The following AURKA variants were observed in gnomAD, a reference collection of about 807,000 sequenced individuals.
AURKA encodes the protein aurora 2.
Under a neutral mutation model 40.9 loss-of-function variants are expected in AURKA, and 12 were observed. The ratio of observed to expected loss-of-function variants is 0.29; its 90% CI spans 0.19 to 0.48. The LOEUF (loss-of-function observed/expected upper bound fraction) is 0.48. Among genes scored for constraint, AURKA ranks in the 20% least tolerant of loss-of-function variants. The pLI, the probability that AURKA is intolerant of heterozygous loss-of-function variation, is 0.99. For synonymous variants in AURKA, 170 were observed against 164.3 expected, an observed-to-expected ratio of 1.03 and a Z score of -0.26; for missense variants, 322 against 462.1, an observed-to-expected ratio of 0.70 and a Z score of 2.78.
intron 6 of AURKA, among the ~76,000 whole-genome samples, chr20:56,374,961 T>C (rs999731683): frequency 1.3e-5 from 2 of 152,076 alleles, no homozygotes; most frequent in African/African-American, 2.4e-5. Context: ...GGCAGGAGAA[T>C]TGGTTGAACC....
chr20:56,375,572 A>G (rs1159087774), intron 6 of AURKA, among the ~76,000 whole-genome samples: 1 of 152,034 alleles, frequency 6.6e-6, no homozygotes, highest in East Asian at 1.9e-4. Flanking sequence ...ATTTTACATC[A>G]AAAAGGTTTA....
At chr20:56,371,766 G>C (rs951295751) in intron 7 of AURKA, among the ~76,000 whole-genome samples, 1 of 152,090 alleles carries the variant, frequency 6.6e-6, no homozygotes, top group Non-Finnish European at 1.5e-5. Context: ...GACAATAGGA[G>C]AAATCTGAAT....
intron 1 of AURKA, among the ~76,000 whole-genome samples, chr20:56,389,262 G>A (rs1011270034): frequency 2.0e-5 from 3 of 152,088 alleles, no homozygotes; most frequent in Non-Finnish European, 4.4e-5. Flanking sequence ...ATATCACCCA[G>A]TGCCTCAGCT....
chr20:56,381,716 A>T lies in AURKA; in HGVS notation c.567-145T>A. ...ACCCCACTTTAGAATCTGAAACTATAAACCCACTCCAAGAAAAATACATAC... is the reference window on the plus strand; with the variant it reads ...ACCCCACTTTAGAATCTGAAACTATTAACCCACTCCAAGAAAAATACATAC... On this transcript the variant is annotated intron_variant, in intron 5 of 8. Coordinates refer to ENST00000395915, the MANE Select transcript of AURKA (RefSeq NM_198437.3). 7 of 972,080 alleles carry T rather than the reference A, an allele frequency of 7.2e-6. No homozygotes were observed. In the East Asian group the frequency reaches 1.8e-4, roughly 25 times the overall value. 60.2% of individuals were successfully genotyped at this position (972,080 alleles called of 1,614,324 possible). A position where few individuals can be genotyped will look rare whatever the true frequency, so the allele number is the denominator to read the frequency against.
chr20:56,371,324 T>C (rs1195375000), intron 7 of AURKA, among the ~76,000 whole-genome samples: 4 of 151,194 alleles, frequency 2.6e-5, no homozygotes, highest in East Asian at 3.9e-4. Context: ...TAGCCGGGTG[T>C]GGTGGTGTGC....
Position 56,369,540 on chromosome 20 carries a change from T to G in AURKA, c.*618A>C. ...TAAATGGAGGTAGAGCACGTGTTCC[T>G]ATTTTTCACACTCTCATATGGGAGA... On this transcript the variant is annotated 3_prime_UTR_variant, in exon 9 of 9. Transcript: ENST00000395915. 8.2e-6 allele frequency: 2 copies of G among 242,724 alleles called. No homozygotes were observed. The highest frequency in any genetic ancestry group is 1.6e-5 in the Non-Finnish European group (2 of 122,772). The allele number at this position is 242,724 out of a possible 1,614,324, so 15.0% of individuals were successfully genotyped here.
At chr20:56,388,026 T>C in intron 2 of AURKA, 130 bp downstream of exon 2, 1 of 107,342 alleles carries the variant, frequency 9.3e-6, no homozygotes, top group Non-Finnish European at 1.5e-5. Context: ...GAAAAGTGAC[T>C]AATTCATATC....
intron 1 of AURKA, among the ~76,000 whole-genome samples, chr20:56,389,697 C>G (rs1986812670): frequency 6.6e-6 from 1 of 152,144 alleles, no homozygotes; most frequent in African/African-American, 2.4e-5. Context: ...GTCCTAATCT[C>G]TCCCCACTCT....
At chr20:56,374,625 G>C (rs901639560) in intron 6 of AURKA, among the ~76,000 whole-genome samples, 3 of 151,698 alleles carry the variant, frequency 2.0e-5, no homozygotes, top group African/African-American at 7.3e-5. Context: ...AATAGAGATG[G>C]GGGTCTCACT....
intron 6 of AURKA, among the ~76,000 whole-genome samples, chr20:56,379,687 C>T (rs1985427958): frequency 6.6e-6 from 1 of 152,198 alleles, no homozygotes; most frequent in East Asian, 1.9e-4. Flanking sequence ...CAAGGCCAGG[C>T]GTGGTGGCTC....
At chr20:56,382,018 G>C (rs1985772881) in intron 5 of AURKA, among the ~76,000 whole-genome samples, 1 of 152,078 alleles carries the variant, frequency 6.6e-6, no homozygotes, top group African/African-American at 2.4e-5. Flanking sequence ...ACAAAAATTA[G>C]CTAGGCTTGT....
At position 56,370,675 on chromosome 20, in the gene AURKA, G is replaced by T; in HGVS notation, c.855-16C>A. On this transcript the variant is annotated splice_polypyrimidine_tract_variant and intron_variant, in intron 7 of 8. Coordinates refer to ENST00000395915, the MANE Select transcript of AURKA (RefSeq NM_198437.3). The stretch of plus-strand genomic sequence containing the variant: ...AGTGGTCCTCCTGAAAACGGAGGGA[G>T]GCTCAGGTTGATGTGCTTCTCGTTT... 2 of 1,614,044 alleles carry T rather than the reference G, an allele frequency of 1.2e-6. No homozygotes were observed. The highest frequency in any genetic ancestry group is 8.5e-7 in the Non-Finnish European group (1 of 1,179,974).
At chr20:56,382,158 C>T (rs1349915874) in intron 5 of AURKA, among the ~76,000 whole-genome samples, 1 of 145,886 alleles carries the variant, frequency 6.9e-6, no homozygotes, top group African/African-American at 2.5e-5. Context: ...AGCGAGACTC[C>T]ATCTCAAAAA....
Position 56,386,410 on chromosome 20 carries a change from G to T in AURKA, c.166C>A (p.Arg56Ser), listed in dbSNP as rs375420005. The change falls in exon 3 of 9, where the codon CGC becomes AGC. Residue 56 changes from arginine to serine, a missense_variant. Transcript: ENST00000395915. ...AGCTTTTGTGCTTGCAAAGGAATGC[G>T]CTGGGAAGAATTTGAAGGACACAAG... ...RVLCPSNSSQ[R>S]IPLQAQKLVS... The T allele has an allele frequency of 1.9e-6, 3 of 1,614,056 alleles. No individual in the cohort carries two copies. The highest frequency in any genetic ancestry group is 2.7e-5 in the African/African-American group (2 of 74,914).
chr20:56,374,621 G>A (rs1171077383), intron 6 of AURKA, among the ~76,000 whole-genome samples: 2 of 151,312 alleles, frequency 1.3e-5, no homozygotes, highest in Non-Finnish European at 2.9e-5. Context: ...TTTTAATAGA[G>A]ATGGGGGTCT....
intron 1 of AURKA, among the ~76,000 whole-genome samples, chr20:56,390,312 T>TTA (rs1447325382): frequency 6.6e-6 from 1 of 150,666 alleles, no homozygotes; most frequent in African/African-American, 2.4e-5. Flanking sequence ...GAGGTTTCTT[T>TTA]TTTTTTTTTT....
intron 6 of AURKA, among the ~76,000 whole-genome samples, chr20:56,376,290 A>G (rs147777679): frequency 6.6e-6 from 1 of 152,344 alleles, no homozygotes; most frequent in African/African-American, 2.4e-5. Context: ...ATTGATCTGT[A>G]AGAGAAAGTT....
chr20:56,382,351 TC>T (rs1985828035), intron 5 of AURKA, among the ~76,000 whole-genome samples: 1 of 151,954 alleles, frequency 6.6e-6, no homozygotes. Context: ...TGCCTGCCCC[TC>T]CCAGCCCCAG....
chr20:56,372,242 G>A (rs1600675398), intron 7 of AURKA, among the ~76,000 whole-genome samples: 2 of 152,248 alleles, frequency 1.3e-5, no homozygotes, highest in East Asian at 3.9e-4. Flanking sequence ...TGTGACGTAG[G>A]ATTAAGAAGC....
Sources: gnomAD v4.1 joint callset for allele counts (sites outside exome capture counted in the v4.1 genomes callset) on GRCh38, gnomAD v4.1.1 for gene constraint, MANE v1.5 for transcripts, NCBI Gene and HGNC (gene_info 2026-07-23, HGNC 2026-07-21) for gene names.